The following DENND4A variants were observed in gnomAD, a reference collection of about 807,000 sequenced individuals.
DENND4A encodes the protein DENN domain containing 4A, also known as C-myc promoter-binding protein.
A neutral mutation model predicts 199.3 loss-of-function variants in DENND4A; 70 were observed. The observed-to-expected ratio is 0.35, with a 90% CI of 0.29 to 0.43. The LOEUF is 0.43. DENND4A is among the 20% of genes least tolerant of loss of function. DENND4A has a pLI of 1.00. For synonymous variants in DENND4A, 686 were observed against 766.9 expected, an observed-to-expected ratio of 0.89 and a Z score of 1.74; for missense variants, 1,723 against 2,255.8, an observed-to-expected ratio of 0.76 and a Z score of 4.78.
chr15:65,764,954 A>G (rs1007285493), intron 1 of DENND4A, among the ~76,000 whole-genome samples: 4 of 148,594 alleles, frequency 2.7e-5, no homozygotes, highest in Non-Finnish European at 5.9e-5. Flanking sequence ...CCTGGGTGAC[A>G]GAGCGAGACC....
intron 1 of DENND4A, among the ~76,000 whole-genome samples, chr15:65,791,659 A>G (rs1350291070): frequency 6.6e-6 from 1 of 152,004 alleles, no homozygotes; most frequent in Non-Finnish European, 1.5e-5. Flanking sequence ...CGACTTACGT[A>G]ACGGGCTTGT....
At chr15:65,724,384 T>G (rs1447740145) in intron 11 of DENND4A, among the ~76,000 whole-genome samples, 1 of 96,838 alleles carries the variant, frequency 1.0e-5, no homozygotes, top group Non-Finnish European at 2.1e-5. Context: ...TTGAATCGTT[T>G]TTTTTTTTTT....
At chr15:65,687,560 CATTGCTCATGA>C (rs2076833439) in intron 23 of DENND4A, among the ~76,000 whole-genome samples, 3 of 152,108 alleles carry the variant, frequency 2.0e-5, no homozygotes, top group Admixed American at 2.0e-4. Context: ...AGAGCAATCC[CATTGCTCATGA>C]ATTATTTTAT....
intron 1 of DENND4A, 95 bp from the exon 2 acceptor site, chr15:65,761,533 A>C (rs2076848296): frequency 6.6e-6 from 1 of 152,232 alleles, no homozygotes; most frequent in Admixed American, 6.5e-5. Context: ...GTTAACAGTG[A>C]TAATTACTAA....
intron 14 of DENND4A, 69 bp from the exon 15 acceptor site, chr15:65,706,293 G>A (rs2075046541): frequency 1.5e-6 from 2 of 1,363,684 alleles, no homozygotes; most frequent in Non-Finnish European, 1.9e-6. Context: ...ATAAAGGGAA[G>A]TGGTTAAATA....
chr15:65,690,564 T>C lies in DENND4A; in HGVS notation c.4030A>G (p.Thr1344Ala). 6.2e-7 allele frequency: 1 copy of C among 1,613,664 alleles called. No homozygotes were observed. The highest frequency in any genetic ancestry group is 8.5e-7 in the Non-Finnish European group (1 of 1,179,728). Reference sequence around the variant, plus strand: ...AAGTTAAATGAAGGTGATGAGTGGGTTAATGTATCCTGAGATTCTTCCCTA... The same window carrying C: ...AAGTTAAATGAAGGTGATGAGTGGGCTAATGTATCCTGAGATTCTTCCCTA... ...PFREESQDTL[T>A]HSSPSFNLDT... The change falls in exon 23 of 33, where the codon ACC (threonine) becomes GCC (alanine). Residue 1344 changes from threonine (T) to alanine (A), a missense_variant. This residue lies in a region of DENND4A where 650 missense variants were observed against 738.1 expected (regional missense o/e 0.88). Coordinates refer to ENST00000443035, the MANE Select transcript of DENND4A (RefSeq NM_001320835.1).
intron 8 of DENND4A, 147 bp downstream of exon 8, chr15:65,732,605 G>T: frequency 2.1e-6 from 1 of 482,100 alleles, no homozygotes; most frequent in Non-Finnish European, 3.7e-6. Flanking sequence ...AACATTAAGG[G>T]CCCAAACTAC....
At chr15:65,775,847 T>G (rs1720458414) in intron 1 of DENND4A, among the ~76,000 whole-genome samples, 1 of 152,126 alleles carries the variant, frequency 6.6e-6, no homozygotes, top group South Asian at 2.1e-4. Context: ...TTAAGTTTCA[T>G]TAAGTTAAAT....
intron 32 of DENND4A, among the ~76,000 whole-genome samples, chr15:65,663,174 G>GTA (rs1393678211): frequency 1.0e-4 from 12 of 116,416 alleles, no homozygotes; most frequent in African/African-American, 4.0e-4. Context: ...ATGTGTGTGT[G>GTA]TGTATATATA....
intron 19 of DENND4A, 39 bp from the exon 20 acceptor site, chr15:65,700,714 AG>A: frequency 6.8e-7 from 1 of 1,476,094 alleles, no homozygotes; most frequent in South Asian, 1.4e-5. Context: ...CTACTCGAAG[AG>A]GTAAATACAC....
At position 65,670,107 on chromosome 15, in the gene DENND4A, C is replaced by G. The variant is rs2076172561; in HGVS notation, c.4546G>C (p.Asp1516His). The change falls in exon 26 of 33, where the codon GAT becomes CAT. Residue 1516 changes from aspartate (D) to histidine (H), a missense_variant. Coordinates refer to ENST00000443035, the MANE Select transcript of DENND4A (RefSeq NM_001320835.1). ...CATGTAGTATTGAGATTTGAATCATCTGCTGTCCAGCCAGCCATGATTTCC... is the reference window on the plus strand; with the variant it reads ...CATGTAGTATTGAGATTTGAATCATGTGCTGTCCAGCCAGCCATGATTTCC... Reference protein sequence around the residue: ...DEEIMAGWTADDSNLNTTCPF... With the variant: ...DEEIMAGWTAHDSNLNTTCPF... The G allele has an allele frequency of 6.2e-7, 1 of 1,604,160 alleles. No individual in the cohort carries two copies. The highest frequency in any genetic ancestry group is 8.5e-7 in the Non-Finnish European group (1 of 1,174,968).
intron 5 of DENND4A, 140 bp downstream of exon 5, chr15:65,741,575 G>A: frequency 1.9e-6 from 1 of 535,660 alleles, no homozygotes; most frequent in East Asian, 3.1e-5. Context: ...TATAAGTGAA[G>A]ACAAAAATGA....
At chr15:65,700,451 C>T (rs551731908) in intron 20 of DENND4A, 93 bp downstream of exon 20, 1 of 692,330 alleles carries the variant, frequency 1.4e-6, no homozygotes, top group East Asian at 3.6e-5. Flanking sequence ...GACAGTTAAA[C>T]ATCACTGAAA....
At chr15:65,710,264 T>C (rs2075206451) in intron 14 of DENND4A, among the ~76,000 whole-genome samples, 1 of 152,180 alleles carries the variant, frequency 6.6e-6, no homozygotes, top group African/African-American at 2.4e-5. Flanking sequence ...ATGGGATACA[T>C]AAAATAGGCC....
chr15:65,788,854 T>TAA (rs34831088), intron 1 of DENND4A, among the ~76,000 whole-genome samples: 4 of 102,372 alleles, frequency 3.9e-5, no homozygotes, highest in South Asian at 3.2e-4. Context: ...GGACTTGTCT[T>TAA]AAAAAAAAAA....
chr15:65,747,009 G>A (rs1015900856), intron 4 of DENND4A, among the ~76,000 whole-genome samples: 3 of 151,720 alleles, frequency 2.0e-5, no homozygotes, highest in Non-Finnish European at 4.4e-5. Flanking sequence ...GGGAGGTTGG[G>A]ATAGGACAAT....
intron 20 of DENND4A, 55 bp from the exon 21 acceptor site, chr15:65,697,438 A>G: frequency 9.0e-7 from 1 of 1,112,974 alleles, no homozygotes; most frequent in Non-Finnish European, 1.3e-6. Context: ...AGTGAGTGCA[A>G]CTGGAATTAG....
chr15:65,670,858 G>A (rs2076195279), intron 25 of DENND4A, among the ~76,000 whole-genome samples: 2 of 152,106 alleles, frequency 1.3e-5, no homozygotes, highest in South Asian at 2.1e-4. Flanking sequence ...CTATGTTTTG[G>A]CTGTATGCAA....
chr15:65,777,978 A>C (rs558512522), intron 1 of DENND4A, among the ~76,000 whole-genome samples: 52 of 152,288 alleles, frequency 3.4e-4, no homozygotes, highest in South Asian at 6.2e-4. Context: ...GGTCGCAGTG[A>C]GCTGAGATCA....
Sources: gnomAD v4.1 joint callset for allele counts (sites outside exome capture counted in the v4.1 genomes callset) on GRCh38, gnomAD v4.1.1 for gene constraint, gnomAD v4.1.1 regional missense constraint, MANE v1.5 for transcripts, NCBI Gene and HGNC (gene_info 2026-07-23, HGNC 2026-07-21) for gene names.